The following BROX variants were observed in gnomAD, a reference collection of about 807,000 sequenced individuals.
The protein encoded by BROX is BRO1 domain and CAAX motif containing, also known as BRO1 domain-containing protein BROX.
Under a neutral mutation model 61.0 loss-of-function variants are expected in BROX, and 53 were observed. That is an observed-to-expected ratio of 0.87 (90% CI 0.70 to 1.09). BROX has a LOEUF of 1.09. BROX is among the 50% of genes least tolerant of loss of function. The pLI is 0.00. For synonymous variants in BROX, 152 were observed against 160.2 expected (o/e 0.95, Z 0.38); for missense variants, 489 against 472.0 (o/e 1.04, Z -0.33).
chr1:222,731,808 C>T (rs1657961035), intron 12 of BROX, among the ~76,000 whole-genome samples: 1 of 152,140 alleles, frequency 6.6e-6, no homozygotes, highest in Non-Finnish European at 1.5e-5. Flanking sequence ...AAAGATCATC[C>T]ATGTTTATAC....
In BROX at chr1:222,719,307, C is replaced by T. The variant is rs373708090; in HGVS notation, c.253C>T (p.Arg85Ter). The T allele has an allele frequency of 2.9e-5, 47 of 1,608,706 alleles. No homozygotes were observed. The highest frequency in any genetic ancestry group is 1.3e-4 in the East Asian group (6 of 44,778). Residue 85 changes from arginine to a stop codon, truncating the protein, a stop_gained, in exon 4 of 13, where the codon CGA becomes TGA. Coordinates refer to ENST00000340934, the MANE Select transcript of BROX (RefSeq NM_144695.4). LOFTEE classifies it high-confidence loss of function. ...LDESTQESKL[R>*]YIQNFKWTDT... ...TGAATCTACCCAAGAAAGCAAGTTA[C>T]GATATATTCAAAATTTCAAGTGGAC...
Position 222,728,668 on chromosome 1 carries a change from T to C in BROX, c.671-75T>C, listed in dbSNP as rs1350674406. The C allele has an allele frequency of 8.8e-6, 8 of 911,210 alleles. No homozygotes were observed. In the East Asian group the frequency reaches 1.5e-4, roughly 17 times the overall value. The allele number at this position is 911,210 out of a possible 1,614,324, so 56.4% of individuals were successfully genotyped here. A position where few individuals can be genotyped will look rare whatever the true frequency, so the allele number is the denominator to read the frequency against. ...AATGGCATTCTTTCTGCTTTTATCA[T>C]CAGAACACATGAACTAAAAGTCTTC... is the stretch of plus-strand genomic sequence containing the variant. On this transcript the variant is annotated intron_variant, in intron 8 of 12. Transcript: ENST00000340934.
Position 222,732,955 on chromosome 1 carries a change from G to T in BROX, c.*241G>T. 9.6e-6 allele frequency: 4 copies of T among 414,636 alleles called. No individual in the cohort carries two copies. The Admixed American group carries it at 1.3e-4, about 13-fold the overall frequency. 25.7% of individuals were successfully genotyped at this position (414,636 alleles called of 1,614,324 possible). A position where few individuals can be genotyped will look rare whatever the true frequency, so the allele number is the denominator to read the frequency against. On this transcript the variant is annotated 3_prime_UTR_variant, in exon 13 of 13. Coordinates refer to ENST00000340934, the MANE Select transcript of BROX (RefSeq NM_144695.4). Reference sequence around the variant, plus strand: ...AAAGATTTTATTGTGCCTCTAAAGGGTATATTTGGGGGTTGGGTCTTTTTG... The same window carrying T: ...AAAGATTTTATTGTGCCTCTAAAGGTTATATTTGGGGGTTGGGTCTTTTTG...
In BROX at chr1:222,731,409, T is replaced by TA. The variant is rs781195893; in HGVS notation, c.1043dup (p.Tyr348Ter). Residue 348 changes from tyrosine (Y) to a stop codon, truncating the protein, a stop_gained and frameshift_variant, in exon 12 of 13, where the codon TAT becomes TAAT. Transcript: ENST00000340934. LOFTEE classifies it high-confidence loss of function. ...CCCACAGCTGGAACTCAAAGCAAAT[T>TA]ATGGTCTCGTAGAGCCTATACCTTT... ...EAPQLELKAN[Y>*]GLVEPIPFEF... The TA allele has an allele frequency of 3.8e-6, 6 of 1,581,118 alleles. No individual in the cohort carries two copies. Among genetic ancestry groups the TA allele is most frequent in the Non-Finnish European group, 5.1e-6 (6 of 1,171,842 alleles).
chr1:222,727,424 G>C (rs2125032669), intron 8 of BROX, among the ~76,000 whole-genome samples, 167 bp downstream of exon 8: 1 of 152,270 alleles, frequency 6.6e-6, no homozygotes, highest in South Asian at 2.1e-4. Flanking sequence ...TGTTTAGTAT[G>C]CTGCATAACT....
intron 2 of BROX, among the ~76,000 whole-genome samples, chr1:222,718,257 A>C (rs960596412): frequency 9.9e-5 from 15 of 152,216 alleles, no homozygotes; most frequent in African/African-American, 3.4e-4. Context: ...AAATAATTTC[A>C]AGAAGGAAAA....
chr1:222,721,102 G>C (rs185828589), intron 4 of BROX, among the ~76,000 whole-genome samples: 2 of 152,248 alleles, frequency 1.3e-5, no homozygotes, highest in East Asian at 3.9e-4. Flanking sequence ...GATTATAAAG[G>C]AAAAGAGTTA....
Position 222,730,223 on chromosome 1 carries a change from T to C in BROX, c.989+46T>C, listed in dbSNP as rs779740612. The C allele has an allele frequency of 1.1e-5, 13 of 1,215,530 alleles. No homozygotes were observed. The South Asian group carries it at 2.3e-4, about 22-fold the overall frequency. The allele number at this position is 1,215,530 out of a possible 1,614,324, so 75.3% of individuals were successfully genotyped here. A position where few individuals can be genotyped will look rare whatever the true frequency, so the allele number is the denominator to read the frequency against. On this transcript the variant is annotated intron_variant, in intron 11 of 12. Coordinates refer to ENST00000340934, the MANE Select transcript of BROX (RefSeq NM_144695.4). ...CTTTAGTAATAATATTATGTTGATT[T>C]ATGATTATATTAAAATATTAATATT...
At position 222,731,363 on chromosome 1, in the gene BROX, T is replaced by G. The variant is rs1213354182; in HGVS notation, c.996T>G (p.Phe332Leu). 6.4e-7 allele frequency: 1 copy of G among 1,561,088 alleles called. No homozygotes were observed. The highest frequency in any genetic ancestry group is 1.2e-5 in the South Asian group (1 of 82,752). ...TTTAAATTATTTTTTGCAGTTACTT[T>G]CAAAAAATTCCAACAGAAGCCCCAC... ...KCQRENGFIY[F>L]QKIPTEAPQL... The change falls in exon 12 of 13, where the codon TTT becomes TTG. Residue 332 changes from phenylalanine to leucine, a missense_variant. Physicochemically the swap from Phe to Leu is conservative, Grantham distance 22. Coordinates refer to ENST00000340934, the MANE Select transcript of BROX (RefSeq NM_144695.4).
intron 2 of BROX, among the ~76,000 whole-genome samples, chr1:222,716,119 A>G (rs1656587093): frequency 6.6e-6 from 1 of 151,432 alleles, no homozygotes; most frequent in Non-Finnish European, 1.5e-5. Context: ...ATTTTTTGAG[A>G]TGGAGTTTCA....
chr1:222,730,049 G>T lies in BROX; in HGVS notation c.861G>T (p.Leu287=), dbSNP rs746785495. The T allele has an allele frequency of 6.2e-7, 1 of 1,610,708 alleles. No homozygotes were observed. The highest frequency in any genetic ancestry group is 8.5e-7 in the Non-Finnish European group (1 of 1,178,938). ...CAGTGTATGCAAAGGCAGAAGCACT[G>T]TGTAAAGAATATGGAGAAACCAAAG... ...AEKLYAKAEA[L]CKEYGETKGP... The change falls in exon 11 of 13, where the codon CTG becomes CTT. Residue 287 remains leucine, a synonymous_variant. Coordinates refer to ENST00000340934, the MANE Select transcript of BROX (RefSeq NM_144695.4).
At chr1:222,719,447 A>G in intron 4 of BROX, 88 bp downstream of exon 4, 1 of 888,066 alleles carries the variant, frequency 1.1e-6, no homozygotes, top group South Asian at 1.6e-5. Context: ...TATTTGGAGA[A>G]GAAAAATACA....
intron 2 of BROX, among the ~76,000 whole-genome samples, chr1:222,716,618 G>T (rs1311210845): frequency 1.3e-5 from 2 of 152,158 alleles, no homozygotes; most frequent in Admixed American, 1.3e-4. Flanking sequence ...TTGGAACACA[G>T]CCAGCCCCAC....
chr1:222,718,870 A>C, intron 2 of BROX, 55 bp from the exon 3 acceptor site: 3 of 1,407,310 alleles, frequency 2.1e-6, no homozygotes, highest in Non-Finnish European at 3.0e-6. Context: ...AGCCACTTTT[A>C]TGTAGATTGA....
chr1:222,722,769 TTAAC>T (rs1332248543), intron 5 of BROX, among the ~76,000 whole-genome samples: 1 of 152,176 alleles, frequency 6.6e-6, no homozygotes, highest in Non-Finnish European at 1.5e-5. Flanking sequence ...GCATGACTAT[TTAAC>T]TACATCAAAG....
chr1:222,712,943 G>T lies in BROX; in HGVS notation c.-17+1G>T, dbSNP rs867343912. On this transcript the variant is annotated splice_donor_variant, in intron 1 of 12. Transcript: ENST00000340934. LOFTEE classifies it low-confidence loss of function (5UTR_SPLICE). ...TGCTGAACCGACTCTGAGAAATTTG[G>T]TAAGTATGTCAGAGGATGGGTGTTT... is the stretch of plus-strand genomic sequence containing the variant. 6.6e-5 allele frequency: 78 copies of T among 1,188,712 alleles called. No homozygotes were observed. The highest frequency in any genetic ancestry group is 2.4e-4 in the Middle Eastern group (1 of 4,190). 73.6% of individuals were successfully genotyped at this position (1,188,712 alleles called of 1,614,324 possible).
intron 8 of BROX, among the ~76,000 whole-genome samples, 187 bp from the exon 9 acceptor site, chr1:222,728,556 C>T (rs1238493795): frequency 6.6e-6 from 1 of 151,844 alleles, no homozygotes; most frequent in Non-Finnish European, 1.5e-5. Context: ...AGTATTTAAC[C>T]AATCTTATGT....
chr1:222,728,626 C>A, intron 8 of BROX, 117 bp from the exon 9 acceptor site: 1 of 554,356 alleles, frequency 1.8e-6, no homozygotes, highest in East Asian at 2.9e-5. Flanking sequence ...AAATTAAATT[C>A]TTGAGTTTTA....
Position 222,712,754 on chromosome 1 carries a change from CG to C in BROX, c.-204del. ...CGCGGCAATACCCGCCCCTGAGCTG[CG>C]CGCACTACCGCCTCGGTAGCTATCA... On this transcript the variant is annotated 5_prime_UTR_variant, in exon 1 of 13. Coordinates refer to ENST00000340934, the MANE Select transcript of BROX (RefSeq NM_144695.4). 1 of 1,289,890 alleles carries C rather than the reference CG, an allele frequency of 7.8e-7. No individual in the cohort carries two copies. The highest frequency in any genetic ancestry group is 1.2e-5 in the South Asian group (1 of 80,978). The allele number at this position is 1,289,890 out of a possible 1,614,324, so 79.9% of individuals were successfully genotyped here.
Sources: gnomAD v4.1 joint callset for allele counts (sites outside exome capture counted in the v4.1 genomes callset) on GRCh38, gnomAD v4.1.1 for gene constraint, MANE v1.5 for transcripts, NCBI Gene and HGNC (gene_info 2026-07-23, HGNC 2026-07-21) for gene names.